The following SLCO4C1 variants were observed in gnomAD, a reference collection of about 807,000 sequenced individuals.
SLCO4C1 encodes the protein organic anion transporter M1.
A neutral mutation model predicts 72.1 loss-of-function variants in SLCO4C1; 58 were observed. The observed-to-expected ratio is 0.80, with a 90% CI of 0.65 to 1.00. The LOEUF is 1.00. SLCO4C1 is among the 50% of genes least tolerant of loss of function. The pLI is 0.00. For missense variants in SLCO4C1, 898 were observed against 857.9 expected, an observed-to-expected ratio of 1.05 and a Z score of -0.58; for synonymous variants, 297 against 312.5, an observed-to-expected ratio of 0.95 and a Z score of 0.52.
chr5:102,247,146 G>T, intron 10 of SLCO4C1, 106 bp downstream of exon 10: 3 of 733,480 alleles, frequency 4.1e-6, no homozygotes, highest in Non-Finnish European at 6.2e-6. Context: ...AGGGCTGATT[G>T]GTATTGAACC....
intron 10 of SLCO4C1, among the ~76,000 whole-genome samples, chr5:102,241,660 T>C (rs752256336): frequency 7.2e-5 from 11 of 152,106 alleles, no homozygotes; most frequent in Non-Finnish European, 1.6e-4. Context: ...TTTTAAAATA[T>C]TTATCCTACA....
intron 9 of SLCO4C1, 106 bp from the exon 10 acceptor site, chr5:102,247,548 C>A: frequency 1.6e-6 from 1 of 633,124 alleles, no homozygotes; most frequent in Non-Finnish European, 2.4e-6. Context: ...CTGTCTTAAT[C>A]CATATTCAAC....
chr5:102,266,281 G>A (rs1202735496), intron 3 of SLCO4C1, among the ~76,000 whole-genome samples: 2 of 152,072 alleles, frequency 1.3e-5, no homozygotes, highest in African/African-American at 4.8e-5. Flanking sequence ...CTCCAATTTT[G>A]ATGTCCCTTA....
intron 2 of SLCO4C1, among the ~76,000 whole-genome samples, chr5:102,277,423 C>A (rs918869278): frequency 1.3e-5 from 2 of 152,042 alleles, no homozygotes; most frequent in South Asian, 4.1e-4. Flanking sequence ...ACAGAAGCAC[C>A]CCCACTCCCT....
At chr5:102,247,499 T>G in intron 9 of SLCO4C1, 57 bp from the exon 10 acceptor site, 1 of 1,202,766 alleles carries the variant, frequency 8.3e-7, no homozygotes, top group Admixed American at 2.2e-5. Context: ...TAAATTATTG[T>G]AAATTAGGTA....
intron 2 of SLCO4C1, among the ~76,000 whole-genome samples, chr5:102,289,442 G>A (rs1749515524): frequency 6.6e-6 from 1 of 152,226 alleles, no homozygotes; most frequent in Non-Finnish European, 1.5e-5. Context: ...AGATTTTCGA[G>A]CAAGGTTTGT....
chr5:102,258,093 G>GA lies in SLCO4C1; in HGVS notation c.1129-7dup, dbSNP rs776288094. On this transcript the variant is annotated splice_polypyrimidine_tract_variant and splice_region_variant and intron_variant, in intron 6 of 12. Coordinates refer to ENST00000310954, the MANE Select transcript of SLCO4C1 (RefSeq NM_180991.5). Reference sequence around the variant, plus strand: ...ACAGCATTCTTCATCAAATTCTAAAGAAAAAAATACAGTTCCTCAAATGAA... The same window carrying GA: ...ACAGCATTCTTCATCAAATTCTAAAGAAAAAAAATACAGTTCCTCAAATGAA... 9.1e-6 allele frequency: 14 copies of GA among 1,532,158 alleles called. No homozygotes were observed. In the Admixed American group the frequency reaches 1.8e-4, roughly 20 times the overall value. 94.9% of individuals were successfully genotyped at this position (1,532,158 alleles called of 1,614,324 possible).
chr5:102,260,181 TGA>T (rs60433166), intron 6 of SLCO4C1, 30 bp downstream of exon 6: 18 of 690,258 alleles, frequency 2.6e-5, no homozygotes, highest in South Asian at 1.9e-4. Context: ...TGTATGAGAC[TGA>T]GAGAGAGACA....
chr5:102,244,652 G>A (rs1211115878), intron 10 of SLCO4C1, among the ~76,000 whole-genome samples: 1 of 151,986 alleles, frequency 6.6e-6, no homozygotes, highest in Non-Finnish European at 1.5e-5. Context: ...CAAGAGAAAA[G>A]AAACAAATAA....
Position 102,260,338 on chromosome 5 carries a change from TATATATATA to T in SLCO4C1, c.1022-28_1022-20del. 2.7e-6 allele frequency: 1 copy of T among 363,874 alleles called. No homozygotes were observed. Among genetic ancestry groups the T allele is most frequent in the Non-Finnish European group, 4.4e-6 (1 of 228,526 alleles). The allele number at this position is 363,874 out of a possible 1,614,324, so 22.5% of individuals were successfully genotyped here. On this transcript the variant is annotated intron_variant, in intron 5 of 12. Coordinates refer to ENST00000310954, the MANE Select transcript of SLCO4C1 (RefSeq NM_180991.5). ...GCTGTACCTAAAAAAAAAATATATATATATATATAATATATATATTATACATATAATATA... is the reference window on the plus strand; with the variant it reads ...GCTGTACCTAAAAAAAAAATATATATATATATATATTATACATATAATATA...
chr5:102,246,176 A>G (rs900893430), intron 10 of SLCO4C1, among the ~76,000 whole-genome samples: 6 of 152,006 alleles, frequency 3.9e-5, no homozygotes, highest in African/African-American at 1.4e-4. Flanking sequence ...GGAAATAATG[A>G]TCTGAGGAGA....
intron 2 of SLCO4C1, among the ~76,000 whole-genome samples, chr5:102,282,094 T>C (rs910757318): frequency 3.3e-5 from 5 of 152,050 alleles, no homozygotes; most frequent in Non-Finnish European, 7.4e-5. Flanking sequence ...ACAATTGATA[T>C]GTACAACAAC....
chr5:102,286,960 T>C (rs1281108264), intron 2 of SLCO4C1, among the ~76,000 whole-genome samples: 1 of 152,138 alleles, frequency 6.6e-6, no homozygotes, highest in Non-Finnish European at 1.5e-5. Context: ...ACAGAGATTA[T>C]CCCATCCAAA....
chr5:102,266,826 T>C (rs1749050407), intron 3 of SLCO4C1, among the ~76,000 whole-genome samples: 1 of 152,158 alleles, frequency 6.6e-6, no homozygotes, highest in African/African-American at 2.4e-5. Context: ...TCTTAAAAGT[T>C]TTTATCATGA....
Position 102,296,038 on chromosome 5 carries a change from G to A in SLCO4C1, c.225C>T (p.Leu75=), listed in dbSNP as rs1749646139. 2 of 1,614,106 alleles carry A rather than the reference G, an allele frequency of 1.2e-6. No individual in the cohort carries two copies. Among genetic ancestry groups the A allele is most frequent in the Non-Finnish European group, 1.7e-6 (2 of 1,180,056 alleles). ...CAAACTCGGACAGCGACAGTGACCG[G>A]AGCTTCTCTTCGGAGACATTGGGAG... The part of the protein sequence containing the change: ...SAPPNVSEEK[L]RSLSLSEFEE... The change falls in exon 1 of 13, where the codon CTC becomes CTT. Residue 75 remains leucine, a synonymous_variant. Transcript: ENST00000310954.
At chr5:102,244,329 T>C (rs985352261) in intron 10 of SLCO4C1, among the ~76,000 whole-genome samples, 1 of 151,872 alleles carries the variant, frequency 6.6e-6, no homozygotes, top group Non-Finnish European at 1.5e-5. Context: ...TTTTTGAAAA[T>C]ATACAGTCAT....
chr5:102,264,982 G>T (rs1414435651), intron 3 of SLCO4C1, among the ~76,000 whole-genome samples: 1 of 151,686 alleles, frequency 6.6e-6, no homozygotes, highest in Non-Finnish European at 1.5e-5. Flanking sequence ...TGGCTGAATA[G>T]TATCCTGTTG....
At chr5:102,286,163 G>T (rs777718300) in intron 2 of SLCO4C1, among the ~76,000 whole-genome samples, 130 of 152,130 alleles carry the variant, frequency 8.5e-4, no homozygotes, top group Non-Finnish European at 1.0e-3. Context: ...TAGAAATTTA[G>T]TGCTACAGCT....
At position 102,280,401 on chromosome 5, in the gene SLCO4C1, A is replaced by G. The variant is rs188903688; in HGVS notation, c.620-9595T>C. Among the ~76,000 whole-genome samples, 15 of 152,150 alleles carry G rather than the reference A, an allele frequency of 9.9e-5. No individual in the cohort carries two copies. In the East Asian group the frequency reaches 2.9e-3, roughly 29 times the overall value. On this transcript the variant is annotated intron_variant, in intron 2 of 12. Coordinates refer to ENST00000310954, the MANE Select transcript of SLCO4C1 (RefSeq NM_180991.5). Reference sequence around the variant, plus strand: ...AATACTTAGATGTTAATCTAACAAAATATATATACATAACTTGCATGCTAA... The same window carrying G: ...AATACTTAGATGTTAATCTAACAAAGTATATATACATAACTTGCATGCTAA...
Sources: gnomAD v4.1 joint callset for allele counts (sites outside exome capture counted in the v4.1 genomes callset) on GRCh38, gnomAD v4.1.1 for gene constraint, MANE v1.5 for transcripts, NCBI Gene and HGNC (gene_info 2026-07-23, HGNC 2026-07-21) for gene names.